CSMD1: variants seen among roughly 807,000 people sequenced by gnomAD.
The protein encoded by CSMD1 is CUB and sushi domain-containing protein 1.
Under a neutral mutation model 417.5 loss-of-function variants are expected in CSMD1, and 213 were observed. That is an observed-to-expected ratio of 0.51 (90% CI 0.46 to 0.57). CSMD1 has a LOEUF of 0.57. Among genes scored for constraint, CSMD1 ranks in the 20% least tolerant of loss-of-function variants. The pLI is 0.00. For synonymous variants in CSMD1, 2,862 were observed against 1,736.8 expected, an observed-to-expected ratio of 1.65 and a Z score of -16.11; for missense variants, 6,923 against 4,529.7, an observed-to-expected ratio of 1.53 and a Z score of -15.17.
At chr8:3,874,848 C>G (rs962472114) in intron 5 of CSMD1, among the ~76,000 whole-genome samples, 1 of 152,016 alleles carries the variant, frequency 6.6e-6, no homozygotes, top group Admixed American at 6.6e-5. Flanking sequence ...GATGAATAAA[C>G]CCATTAAGAA....
intron 5 of CSMD1, among the ~76,000 whole-genome samples, chr8:3,775,864 C>G (rs1204115587): frequency 1.3e-5 from 2 of 152,196 alleles, no homozygotes; most frequent in African/African-American, 4.8e-5. Context: ...TAGGATGGGT[C>G]CTGAGACCTC....
chr8:3,516,941 C>T (rs923847778), intron 10 of CSMD1, among the ~76,000 whole-genome samples: 8 of 152,106 alleles, frequency 5.3e-5, no homozygotes, highest in East Asian at 1.9e-4. Flanking sequence ...CGTCAATCAA[C>T]GAGTGGATAA....
intron 3 of CSMD1, among the ~76,000 whole-genome samples, chr8:4,051,077 G>C (rs894218169): frequency 1.3e-5 from 2 of 151,948 alleles, no homozygotes; most frequent in East Asian, 1.9e-4. Context: ...GAAGCGCACT[G>C]CCCTGAGTTA....
At chr8:4,379,920 G>A (rs1802994822) in intron 3 of CSMD1, among the ~76,000 whole-genome samples, 2 of 152,292 alleles carry the variant, frequency 1.3e-5, no homozygotes, top group East Asian at 1.9e-4. Context: ...TGAACTCCAT[G>A]AGCGCGGCCA....
chr8:3,408,319 A>C (rs1812475989), intron 13 of CSMD1, 94 bp from the exon 14 acceptor site: 2 of 841,142 alleles, frequency 2.4e-6, no homozygotes, highest in Admixed American at 5.4e-5. Context: ...AAGGCAATTC[A>C]TGCCTGCAAA....
In CSMD1 at chr8:2,943,097, C is replaced by T. The variant is rs150399405; in HGVS notation, c.10403-493G>A. On this transcript the variant is annotated intron_variant, in intron 68 of 69. Coordinates refer to ENST00000635120, the MANE Select transcript of CSMD1 (RefSeq NM_033225.6). ...GATGGTGTCATCTGTCTTTATTTTA[C>T]GTACATTCTGAAATTCACAGAAGAG... is the stretch of plus-strand genomic sequence containing the variant. Among the ~76,000 whole-genome samples, 65 of 152,090 alleles carry T rather than the reference C, an allele frequency of 4.3e-4. No homozygotes were observed. In the Middle Eastern group the frequency reaches 0.014, roughly 32 times the overall value.
At chr8:3,582,015 GA>G (rs1186228913) in intron 9 of CSMD1, among the ~76,000 whole-genome samples, 1 of 152,118 alleles carries the variant, frequency 6.6e-6, no homozygotes, top group Non-Finnish European at 1.5e-5. Context: ...GGTTGGTCTT[GA>G]ACTCCTGACC....
At chr8:4,033,033 T>C (rs966374605) in intron 3 of CSMD1, among the ~76,000 whole-genome samples, 8 of 151,202 alleles carry the variant, frequency 5.3e-5, no homozygotes, top group East Asian at 2.0e-4. Context: ...GATAAAAACA[T>C]TGGTCTCTTC....
rs553131935 is a variant in CSMD1 at position 4,692,714 on chromosome 8, C to T, written c.86-55156G>A. 2.0e-4 allele frequency among the ~76,000 whole-genome samples: 30 copies of T among 152,264 alleles called. No homozygotes were observed. The South Asian group carries it at 2.7e-3, about 14-fold the overall frequency. ...CTGAAAAGTCCTGCAGCCTGCAAACCCCCCGATAACGTGCAAATCAGGATG... is the reference window on the plus strand; with the variant it reads ...CTGAAAAGTCCTGCAGCCTGCAAACTCCCCGATAACGTGCAAATCAGGATG... On this transcript the variant is annotated intron_variant, in intron 1 of 69. Transcript: ENST00000635120.
At position 3,307,643 on chromosome 8, in the gene CSMD1, T is replaced by A; in HGVS notation, c.3950+52A>T. The A allele has an allele frequency of 3.8e-6, 6 of 1,567,140 alleles. No individual in the cohort carries two copies. In the South Asian group the frequency reaches 6.8e-5, roughly 18 times the overall value. On this transcript the variant is annotated intron_variant, in intron 25 of 69. Transcript: ENST00000635120. Reference sequence around the variant, plus strand: ...TGTACCACTATCTCTGCTACAAGAATAGAAGGCATATCTCTTTTCTCAAAT... The same window carrying A: ...TGTACCACTATCTCTGCTACAAGAAAAGAAGGCATATCTCTTTTCTCAAAT...
chr8:3,054,562 G>A (rs767573683), intron 49 of CSMD1, among the ~76,000 whole-genome samples: 1 of 152,228 alleles, frequency 6.6e-6, no homozygotes, highest in Non-Finnish European at 1.5e-5. Flanking sequence ...AGGTTGCAGT[G>A]AGCTGAAATT....
At chr8:3,416,822 G>T (rs17066075) in intron 12 of CSMD1, among the ~76,000 whole-genome samples, 1,931 of 152,298 alleles carry the variant, frequency 0.013, 47 homozygotes, top group African/African-American at 0.044. Flanking sequence ...AAGTAGATGA[G>T]AACTCCATGA....
At chr8:4,794,524 C>T (rs1261723356) in intron 1 of CSMD1, among the ~76,000 whole-genome samples, 2 of 152,160 alleles carry the variant, frequency 1.3e-5, no homozygotes, top group Non-Finnish European at 2.9e-5. Context: ...TCCTCTCCAT[C>T]TCTGCCTGAC....
At chr8:3,620,063 C>G (rs1370854333) in intron 7 of CSMD1, among the ~76,000 whole-genome samples, 1 of 152,000 alleles carries the variant, frequency 6.6e-6, no homozygotes, top group Non-Finnish European at 1.5e-5. Flanking sequence ...GACTGTGCCC[C>G]TGCATTCTAG....
chr8:3,916,778 T>C (rs1398832368), intron 5 of CSMD1, among the ~76,000 whole-genome samples: 1 of 151,998 alleles, frequency 6.6e-6, no homozygotes, highest in Admixed American at 6.6e-5. Flanking sequence ...AATAATTGAG[T>C]GGCTCAATTT....
At chr8:4,983,544 T>C (rs1156803477) in intron 1 of CSMD1, among the ~76,000 whole-genome samples, 5 of 152,086 alleles carry the variant, frequency 3.3e-5, no homozygotes, top group African/African-American at 4.8e-5. Context: ...TTTTTTGAAA[T>C]GGAATTTCAC....
intron 2 of CSMD1, among the ~76,000 whole-genome samples, chr8:4,476,246 G>A (rs928580445): frequency 1.3e-5 from 2 of 152,122 alleles, no homozygotes; most frequent in Admixed American, 1.3e-4. Context: ...TATGCTAGAA[G>A]ATATTATACT....
intron 18 of CSMD1, among the ~76,000 whole-genome samples, chr8:3,370,457 C>G (rs1809875457): frequency 6.6e-6 from 1 of 152,182 alleles, no homozygotes; most frequent in African/African-American, 2.4e-5. Flanking sequence ...GATCTCGAGA[C>G]CAGGCTGCCC....
At chr8:4,389,211 C>G in intron 3 of CSMD1, among the ~76,000 whole-genome samples, 1 of 152,104 alleles carries the variant, frequency 6.6e-6, no homozygotes, top group East Asian at 1.9e-4. Flanking sequence ...AGGGAGTGGG[C>G]TACTTCTAGC....
Sources: gnomAD v4.1 joint callset for allele counts (sites outside exome capture counted in the v4.1 genomes callset) on GRCh38, gnomAD v4.1.1 for gene constraint, MANE v1.5 for transcripts, NCBI Gene and HGNC (gene_info 2026-07-23, HGNC 2026-07-21) for gene names.